The following PLA2G4E variants were observed in gnomAD, a reference collection of about 807,000 sequenced individuals.
The protein encoded by PLA2G4E is phospholipase A2 group IVE, also known as cytosolic phospholipase A2 epsilon.
In PLA2G4E, 84 loss-of-function variants were observed where a neutral mutation model predicts 109.1. The ratio of observed to expected loss-of-function variants is 0.77; its 90% CI spans 0.65 to 0.92. PLA2G4E has a LOEUF of 0.92. Ranked by LOEUF, PLA2G4E falls within the 40% of genes least tolerant of loss-of-function variation. The pLI is 0.00. For synonymous variants in PLA2G4E, 469 were observed against 436.1 expected, an observed-to-expected ratio of 1.08 and a Z score of -0.94; for missense variants, 1,057 against 1,076.6, an observed-to-expected ratio of 0.98 and a Z score of 0.25.
At chr15:41,990,317 C>T (rs994496926) in intron 13 of PLA2G4E, 82 bp from the exon 14 acceptor site, 9 of 1,248,980 alleles carry the variant, frequency 7.2e-6, no homozygotes, top group South Asian at 2.6e-5. Flanking sequence ...ACAATCTGGA[C>T]CCCCGCAGCC....
Position 42,010,139 on chromosome 15 carries a change from C to CCG in PLA2G4E, c.257-2275_257-2274insCG, listed in dbSNP as rs267604201. The CCG allele has an allele frequency of 3.4e-5, 16 of 476,702 alleles. 1 individual carries two copies. Among genetic ancestry groups the CCG allele is most frequent in the Admixed American group, 2.8e-4 (14 of 49,212 alleles). The allele number at this position is 476,702 out of a possible 1,614,324, so 29.5% of individuals were successfully genotyped here. ...GGCTTTTCCAGAACACTGGCCCCCC[C>CCG]ACCCCGGGCCTGGACCACACCCTTC... On this transcript the variant is annotated intron_variant, in intron 2 of 19. Transcript: ENST00000399518.
At chr15:42,046,385 C>T (rs1889416396) in intron 1 of PLA2G4E, among the ~76,000 whole-genome samples, 2 of 152,226 alleles carry the variant, frequency 1.3e-5, no homozygotes, top group South Asian at 2.1e-4. Context: ...TTTCCCTGCT[C>T]TCTGCTCTCC....
At chr15:41,993,065 G>T (rs1257962483) in intron 12 of PLA2G4E, 106 bp from the exon 13 acceptor site, 3 of 953,578 alleles carry the variant, frequency 3.1e-6, no homozygotes, top group South Asian at 1.7e-5. Flanking sequence ...ACCCTAACCT[G>T]CCAGGAGGGG....
Position 42,006,142 on chromosome 15 carries a change from C to T in PLA2G4E, c.394-21G>A, listed in dbSNP as rs373376041. ...ACGTTCTAGGGGAGAAGGAAGGATG[C>T]CAGTCTGGTTACCACGGTTGCATTG... On this transcript the variant is annotated intron_variant, in intron 3 of 19. Transcript: ENST00000399518. The T allele has an allele frequency of 1.1e-4, 171 of 1,612,378 alleles. No homozygotes were observed. In the African/African-American group the frequency reaches 2.0e-3, roughly 19 times the overall value.
At chr15:42,003,773 G>A (rs973926717) in intron 5 of PLA2G4E, among the ~76,000 whole-genome samples, 1 of 152,244 alleles carries the variant, frequency 6.6e-6, no homozygotes, top group Non-Finnish European at 1.5e-5. Flanking sequence ...AAGCATAGGG[G>A]GCTCAGCCCT....
chr15:42,015,146 G>A (rs899924632), intron 1 of PLA2G4E, among the ~76,000 whole-genome samples: 3 of 152,252 alleles, frequency 2.0e-5, no homozygotes, highest in African/African-American at 4.8e-5. Flanking sequence ...AAGGCCCCAC[G>A]TCCCTCCCGA....
At chr15:42,020,189 C>CA (rs564332747) in intron 1 of PLA2G4E, among the ~76,000 whole-genome samples, 4 of 152,270 alleles carry the variant, frequency 2.6e-5, no homozygotes, top group Non-Finnish European at 5.9e-5. Context: ...AAAGTACTTT[C>CA]AGGGCATCAC....
At chr15:42,002,721 G>A in intron 5 of PLA2G4E, 25 bp from the exon 6 acceptor site, 1 of 1,559,254 alleles carries the variant, frequency 6.4e-7, no homozygotes, top group Non-Finnish European at 8.7e-7. Flanking sequence ...GAGAACTCCT[G>A]GTCAATTCTA....
intron 1 of PLA2G4E, among the ~76,000 whole-genome samples, chr15:42,040,124 C>T (rs938311326): frequency 6.6e-6 from 1 of 151,960 alleles, no homozygotes; most frequent in African/African-American, 2.4e-5. Context: ...TTGCTTGAGG[C>T]CAGGAGTTCA....
intron 5 of PLA2G4E, among the ~76,000 whole-genome samples, chr15:42,002,915 G>C (rs2068436894): frequency 6.6e-6 from 1 of 152,198 alleles, no homozygotes; most frequent in Non-Finnish European, 1.5e-5. Flanking sequence ...AGATTTATAG[G>C]TTAGAAGAGT....
At chr15:42,022,709 C>T (rs972547127) in intron 1 of PLA2G4E, among the ~76,000 whole-genome samples, 1 of 152,108 alleles carries the variant, frequency 6.6e-6, no homozygotes, top group African/African-American at 2.4e-5. Flanking sequence ...GGGAGTGGCT[C>T]TAAATACAGA....
At chr15:41,997,056 T>C (rs2068353901) in intron 11 of PLA2G4E, 68 bp downstream of exon 11, 1 of 1,458,388 alleles carries the variant, frequency 6.9e-7, no homozygotes, top group Non-Finnish European at 9.1e-7. Context: ...AGGGCCTGGG[T>C]TGGCTGGGAG....
At position 41,988,149 on chromosome 15, in the gene PLA2G4E, C is replaced by T. The variant is rs1213687614; in HGVS notation, c.1731G>A (p.Trp577Ter). 1 of 1,595,130 alleles carries T rather than the reference C, an allele frequency of 6.3e-7. No individual in the cohort carries two copies. The highest frequency in any genetic ancestry group is 8.5e-7 in the Non-Finnish European group (1 of 1,170,398). ...GCAGGTTCAGGGAGAAGATGCTGCTCCACAGGCCTGGGAGCCAGGGCCAGC... is the reference window on the plus strand; with the variant it reads ...GCAGGTTCAGGGAGAAGATGCTGCTTCACAGGCCTGGGAGCCAGGGCCAGC... Residue 577 changes from tryptophan (W) to a stop codon, truncating the protein, a stop_gained, in exon 16 of 20, where the codon TGG (tryptophan) becomes TGA (stop). Transcript: ENST00000399518. LOFTEE classifies it high-confidence loss of function.
chr15:42,018,760 A>T (rs887911274), intron 1 of PLA2G4E, among the ~76,000 whole-genome samples: 1 of 151,702 alleles, frequency 6.6e-6, no homozygotes, highest in African/African-American at 2.4e-5. Context: ...TCTTGGCAGG[A>T]CTCCACTGCC....
At chr15:42,000,205 G>T in exon 8 of PLA2G4E, 5 of 1,591,870 alleles carry the variant, frequency 3.1e-6, no homozygotes, top group Non-Finnish European at 4.3e-6. Flanking sequence ...GCAGAGGTTG[G>T]GCAGCAGGGT....
At chr15:42,013,048 G>A (rs527967617) in intron 2 of PLA2G4E, among the ~76,000 whole-genome samples, 241 of 152,332 alleles carry the variant, frequency 1.6e-3, no homozygotes, top group Non-Finnish European at 2.7e-3. Context: ...ATTGGCCCCC[G>A]TGGCCTGGAA....
exon 12 of PLA2G4E, chr15:41,995,380 G>A (rs1668586): frequency 0.83 from 1,333,999 of 1,613,422 alleles, 559,173 homozygotes; most frequent in Non-Finnish European, 0.87. Context: ...CTGATAGACC[G>A]GTGATGTAGC....
chr15:42,042,961 A>G (rs1889341673), intron 1 of PLA2G4E, among the ~76,000 whole-genome samples: 1 of 152,202 alleles, frequency 6.6e-6, no homozygotes, highest in African/African-American at 2.4e-5. Context: ...GCCTGACCTG[A>G]TGGTGGAAAT....
At position 41,986,053 on chromosome 15, in the gene PLA2G4E, C is replaced by T. The variant is rs759466375; in HGVS notation, c.2036-48G>A. The T allele has an allele frequency of 3.2e-6, 5 of 1,545,408 alleles. No individual in the cohort carries two copies. The Admixed American group carries it at 5.8e-5, about 18-fold the overall frequency. ...ACCAACACACCTGGTGCCCTGACAG[C>T]CAATGGACAGAGGCACTTGGGGGGA... is the stretch of plus-strand genomic sequence containing the variant. On this transcript the variant is annotated intron_variant, in intron 17 of 19. Coordinates refer to ENST00000399518, the Ensembl canonical transcript of PLA2G4E.
Sources: allele counts gnomAD v4.1 joint callset (sites outside exome capture counted in the v4.1 genomes callset), GRCh38; gene constraint gnomAD v4.1.1; transcripts MANE v1.5; gene names NCBI Gene and HGNC (gene_info 2026-07-23, HGNC 2026-07-21).